Variants in IL23R observed in about 807,000 individuals in gnomAD.
IL23R encodes the protein interleukin 23 receptor, also known as interleukin-23 receptor.
IL23R carries 34 observed loss-of-function variants against 56.9 expected under a neutral mutation model. That is an observed-to-expected ratio of 0.60 (90% CI 0.45 to 0.80). The LOEUF (loss-of-function observed/expected upper bound fraction) is 0.80, where lower values mean the gene tolerates loss of function less well. Among genes scored for constraint, IL23R ranks in the 30% least tolerant of loss-of-function variants. The pLI is 0.00. For missense variants in IL23R, 635 were observed against 730.0 expected (o/e 0.87, Z 1.50); for synonymous variants, 230 against 249.2 (o/e 0.92, Z 0.73).
At chr1:67,208,379 C>A (rs745784474) in intron 6 of IL23R, among the ~76,000 whole-genome samples, 4 of 152,308 alleles carry the variant, frequency 2.6e-5, no homozygotes, top group South Asian at 2.1e-4. Context: ...ACATCAGAGA[C>A]CTTTACAGCA....
At chr1:67,198,542 C>G (rs905419182) in intron 4 of IL23R, among the ~76,000 whole-genome samples, 5 of 152,202 alleles carry the variant, frequency 3.3e-5, no homozygotes, top group African/African-American at 1.2e-4. Context: ...CTCTATTCCC[C>G]TGTTCTAAAC....
At chr1:67,209,201 G>GACTT (rs1177796084) in intron 6 of IL23R, among the ~76,000 whole-genome samples, 1 of 152,186 alleles carries the variant, frequency 6.6e-6, no homozygotes, top group Non-Finnish European at 1.5e-5. Context: ...AGGTGGAAGG[G>GACTT]ACTTGCCTTG....
At position 67,200,682 on chromosome 1, in the gene IL23R, G is replaced by C. The variant is rs532604349; in HGVS notation, c.492-55G>C. ...TTACAGGTGTGAGCCACCATGCCTG[G>C]CCAATTAATTCAAACTAAATACAAT... On this transcript the variant is annotated intron_variant, in intron 4 of 10. Transcript: ENST00000347310. 2.3e-5 allele frequency: 37 copies of C among 1,576,726 alleles called. No homozygotes were observed. The African/African-American group carries it at 4.6e-4, about 20-fold the overall frequency.
At chr1:67,241,338 C>A (rs1312923739) in intron 9 of IL23R, among the ~76,000 whole-genome samples, 1 of 152,162 alleles carries the variant, frequency 6.6e-6, no homozygotes, top group Non-Finnish European at 1.5e-5. Flanking sequence ...AAAACAAAAC[C>A]TGGTCTGTTC....
intron 9 of IL23R, among the ~76,000 whole-genome samples, chr1:67,250,001 A>T (rs1464727969): frequency 6.6e-6 from 1 of 152,196 alleles, no homozygotes; most frequent in African/African-American, 2.4e-5. Flanking sequence ...TTTTTATAAG[A>T]TTAACTTTTC....
intron 1 of IL23R, 144 bp from the exon 2 acceptor site, chr1:67,167,948 C>T: frequency 2.0e-4 from 113 of 571,222 alleles, no homozygotes; most frequent in South Asian, 8.2e-4. Flanking sequence ...TGTTTCCTTC[C>T]TTCCTTTCTT....
intron 4 of IL23R, among the ~76,000 whole-genome samples, chr1:67,193,178 G>A (rs1271067242): frequency 1.3e-5 from 2 of 152,034 alleles, no homozygotes; most frequent in African/African-American, 2.4e-5. Context: ...TTTCCTTATT[G>A]CCCTAATGTC....
chr1:67,210,068 T>C (rs1649350035), intron 6 of IL23R, among the ~76,000 whole-genome samples: 1 of 152,194 alleles, frequency 6.6e-6, no homozygotes, highest in Non-Finnish European at 1.5e-5. Context: ...AGTGTATAGT[T>C]CAGAGTGTAA....
chr1:67,193,548 G>A (rs1360237182), intron 4 of IL23R, among the ~76,000 whole-genome samples: 1 of 151,928 alleles, frequency 6.6e-6, no homozygotes, highest in Non-Finnish European at 1.5e-5. Context: ...CTATATCTAG[G>A]TGCTCAGGGA....
At chr1:67,221,987 T>C (rs1199807870) in intron 7 of IL23R, among the ~76,000 whole-genome samples, 1 of 151,852 alleles carries the variant, frequency 6.6e-6, no homozygotes, top group African/African-American at 2.4e-5. Context: ...CTGGGCAATA[T>C]AGTGAGACTC....
At chr1:67,175,935 C>T (rs919909722) in intron 3 of IL23R, among the ~76,000 whole-genome samples, 3 of 152,178 alleles carry the variant, frequency 2.0e-5, no homozygotes, top group Non-Finnish European at 4.4e-5. Flanking sequence ...AGGAATCCTT[C>T]CAGCCTCAGC....
intron 9 of IL23R, among the ~76,000 whole-genome samples, chr1:67,248,166 C>A (rs140682996): frequency 2.2e-4 from 33 of 152,200 alleles, no homozygotes; most frequent in Middle Eastern, 3.4e-3. Context: ...GCCTGTTTTG[C>A]TAGGTTGGGG....
chr1:67,162,012 C>T (rs189471370), upstream of IL23R, among the ~76,000 whole-genome samples: 2 of 151,914 alleles, frequency 1.3e-5, no homozygotes, highest in East Asian at 1.9e-4. Flanking sequence ...AAAACTAAGA[C>T]GAGGCTGTTA....
At chr1:67,210,240 G>A (rs1026400752) in intron 6 of IL23R, among the ~76,000 whole-genome samples, 3 of 152,060 alleles carry the variant, frequency 2.0e-5, no homozygotes, top group African/African-American at 4.8e-5. Flanking sequence ...TAGCTGCAAG[G>A]TTCATTAATA....
intron 4 of IL23R, among the ~76,000 whole-genome samples, chr1:67,185,685 C>T (rs1038041103): frequency 2.0e-5 from 3 of 152,162 alleles, no homozygotes; most frequent in Non-Finnish European, 2.9e-5. Flanking sequence ...AGAAAGTCCA[C>T]GTAGAAACTA....
intron 5 of IL23R, among the ~76,000 whole-genome samples, chr1:67,205,880 T>TTTCC (rs2102633400): frequency 5.6e-5 from 2 of 35,438 alleles, no homozygotes; most frequent in African/African-American, 1.6e-4. Flanking sequence ...TCCATCTTTC[T>TTTCC]TTCTTTCTTT....
chr1:67,221,195 C>A (rs1650226497), intron 7 of IL23R, among the ~76,000 whole-genome samples: 1 of 152,028 alleles, frequency 6.6e-6, no homozygotes, highest in Non-Finnish European at 1.5e-5. Context: ...GCGGTACATG[C>A]CTGTAATCCC....
intron 6 of IL23R, among the ~76,000 whole-genome samples, chr1:67,218,231 T>G (rs998733062): frequency 8.6e-5 from 13 of 151,802 alleles, no homozygotes; most frequent in African/African-American, 3.1e-4. Context: ...ATTTCTCAGT[T>G]CAACTTTCTT....
At chr1:67,254,666 A>G (rs530346988) in intron 9 of IL23R, among the ~76,000 whole-genome samples, 1 of 152,332 alleles carries the variant, frequency 6.6e-6, no homozygotes, top group Admixed American at 6.5e-5. Context: ...TATTTAGTAC[A>G]GGTCCTTTGA....
Sources: gnomAD v4.1 joint callset for allele counts (sites outside exome capture counted in the v4.1 genomes callset) on GRCh38, gnomAD v4.1.1 for gene constraint, MANE v1.5 for transcripts, NCBI Gene and HGNC (gene_info 2026-07-23, HGNC 2026-07-21) for gene names.